The following USH2A variants were observed in gnomAD, a reference collection of about 807,000 sequenced individuals.
USH2A encodes usherin, also known as Usher syndrome 2A (autosomal recessive, mild).
In USH2A, 443 loss-of-function variants were observed where a neutral mutation model predicts 538.9. That is an observed-to-expected ratio of 0.82 (90% CI 0.76 to 0.89). USH2A has a LOEUF of 0.89. Ranked by LOEUF, USH2A falls within the 40% of genes least tolerant of loss-of-function variation. USH2A has a pLI of 0.00. For missense variants in USH2A, 6,633 were observed against 6,324.8 expected (o/e 1.05, Z -1.65); for synonymous variants, 2,413 against 2,273.5 (o/e 1.06, Z -1.75).
intron 58 of USH2A, among the ~76,000 whole-genome samples, chr1:215,745,456 C>A (rs571069155): frequency 6.6e-6 from 1 of 152,188 alleles, no homozygotes; most frequent in South Asian, 2.1e-4. Context: ...TTATGCCAGG[C>A]AACACGCATT....
chr1:216,120,252 T>G (rs867046382), intron 21 of USH2A, among the ~76,000 whole-genome samples: 1,374 of 74,366 alleles, frequency 0.018, 28 homozygotes, highest in African/African-American at 0.059. Flanking sequence ...AAAAAAAAAA[T>G]GGCTGGGCAC....
chr1:216,240,430 G>T (rs1489259979), intron 13 of USH2A, among the ~76,000 whole-genome samples: 6 of 150,660 alleles, frequency 4.0e-5, no homozygotes, highest in Non-Finnish European at 5.9e-5. Context: ...TGTGTTTGCA[G>T]ATTTTCTCAG....
intron 58 of USH2A, among the ~76,000 whole-genome samples, chr1:215,753,137 C>A (rs1316054810): frequency 1.3e-5 from 2 of 151,956 alleles, no homozygotes; most frequent in African/African-American, 4.8e-5. Flanking sequence ...GTTAGAATGG[C>A]AATCATTAAA....
intron 58 of USH2A, among the ~76,000 whole-genome samples, chr1:215,751,272 T>A (rs889218494): frequency 6.6e-6 from 1 of 151,390 alleles, no homozygotes; most frequent in Non-Finnish European, 1.5e-5. Context: ...TAGAGCAATA[T>A]TAATAAAAAT....
intron 21 of USH2A, among the ~76,000 whole-genome samples, chr1:216,140,180 G>A (rs2033573318): frequency 6.6e-6 from 1 of 152,062 alleles, no homozygotes; most frequent in South Asian, 2.1e-4. Flanking sequence ...TCATTTCAGT[G>A]GAAGAAGAAA....
chr1:215,715,979 A>G (rs1659471660), intron 61 of USH2A, among the ~76,000 whole-genome samples: 2 of 152,216 alleles, frequency 1.3e-5, no homozygotes, highest in South Asian at 4.1e-4. Flanking sequence ...ACGGAATGGT[A>G]AAATGCGGTT....
intron 47 of USH2A, among the ~76,000 whole-genome samples, chr1:215,820,459 A>G (rs984453260): frequency 8.6e-5 from 13 of 151,756 alleles, no homozygotes; most frequent in Admixed American, 8.6e-4. Context: ...TATTTTAATC[A>G]ATACATAATA....
At chr1:216,292,506 A>G in intron 9 of USH2A, 136 bp from the exon 10 acceptor site, 1 of 981,536 alleles carries the variant, frequency 1.0e-6, no homozygotes, top group Non-Finnish European at 1.5e-6. Flanking sequence ...TATTTGAAAA[A>G]TATTTCGTAA....
intron 30 of USH2A, among the ~76,000 whole-genome samples, chr1:216,068,394 T>C (rs2031450578): frequency 6.6e-6 from 1 of 152,124 alleles, no homozygotes; most frequent in African/African-American, 2.4e-5. Flanking sequence ...ACCCAGTCAG[T>C]GGTTCTCAAA....
chr1:215,628,999 GT>G lies in USH2A; in HGVS notation c.15333del (p.Pro5112LeufsTer2). ...LADTKIPRSG[T>X]PVSIRSNRSA... ...CTCCGGTTGCTGCGGATACTCACAG[GT>G]GTCCCAGACCGGGGAATTTTGGTAT... On this transcript the variant is annotated frameshift_variant, in exon 71 of 72. Transcript: ENST00000307340. LOFTEE classifies it high-confidence loss of function. 6.2e-7 allele frequency: 1 copy of G among 1,613,628 alleles called. No individual in the cohort carries two copies. Among genetic ancestry groups the G allele is most frequent in the Non-Finnish European group, 8.5e-7 (1 of 1,180,028 alleles).
intron 40 of USH2A, among the ~76,000 whole-genome samples, chr1:215,890,572 A>C (rs1028206311): frequency 2.0e-5 from 3 of 152,150 alleles, no homozygotes; most frequent in Non-Finnish European, 4.4e-5. Context: ...CCTAAAAAAA[A>C]CCCTAAAACC....
At chr1:215,884,990 G>C (rs531448435) in intron 41 of USH2A, among the ~76,000 whole-genome samples, 116 of 152,182 alleles carry the variant, frequency 7.6e-4, no homozygotes, top group South Asian at 2.1e-3. Context: ...AGGTTTACAG[G>C]CTCATGATGT....
chr1:216,267,532 G>C (rs541982697), intron 11 of USH2A, among the ~76,000 whole-genome samples: 1 of 152,170 alleles, frequency 6.6e-6, no homozygotes, highest in South Asian at 2.1e-4. Context: ...CTAGAGCACA[G>C]AGACACACAT....
At chr1:216,321,625 G>T (rs2037611883) in intron 9 of USH2A, among the ~76,000 whole-genome samples, 1 of 151,964 alleles carries the variant, frequency 6.6e-6, no homozygotes, top group Non-Finnish European at 1.5e-5. Flanking sequence ...AACAAAGAAA[G>T]AAAAACAAAA....
chr1:216,174,277 C>T (rs1329488243), intron 21 of USH2A: 1 of 981,060 alleles, frequency 1.0e-6, no homozygotes, highest in East Asian at 1.1e-4. Flanking sequence ...ATTAAATGAA[C>T]ATCTTTATGA....
chr1:216,161,764 A>C (rs957380000), intron 21 of USH2A, among the ~76,000 whole-genome samples: 1 of 151,760 alleles, frequency 6.6e-6, no homozygotes, highest in South Asian at 2.1e-4. Flanking sequence ...TTTTTGATGG[A>C]TATGTTTCCT....
chr1:215,925,574 C>T (rs569251305), intron 38 of USH2A, among the ~76,000 whole-genome samples: 49 of 152,208 alleles, frequency 3.2e-4, no homozygotes, highest in Middle Eastern at 3.4e-3. Context: ...AATGCTATTC[C>T]TCACCATCCT....
chr1:216,098,851 T>G (rs1168899606), intron 21 of USH2A, among the ~76,000 whole-genome samples: 1 of 152,194 alleles, frequency 6.6e-6, no homozygotes, highest in Non-Finnish European at 1.5e-5. Context: ...TACTTCAGCT[T>G]GTTTTTAGAG....
chr1:216,377,880 AAAGG>A (rs1197899531), intron 3 of USH2A, among the ~76,000 whole-genome samples: 48 of 150,046 alleles, frequency 3.2e-4, no homozygotes, highest in South Asian at 3.0e-3. Context: ...GGAAAGAAAG[AAAGG>A]AAGGAAGGAA....
Sources: allele counts gnomAD v4.1 joint callset (sites outside exome capture counted in the v4.1 genomes callset), GRCh38; gene constraint gnomAD v4.1.1; transcripts MANE v1.5; gene names NCBI Gene and HGNC (gene_info 2026-07-23, HGNC 2026-07-21).